ZNF16: variants seen among roughly 807,000 people sequenced by gnomAD.
The protein encoded by ZNF16 is zinc finger protein KOX9.
Under a neutral mutation model 9.0 loss-of-function variants are expected in ZNF16, and 7 were observed. The observed-to-expected ratio is 0.78, with a 90% CI of 0.44 to 1.47. The LOEUF (loss-of-function observed/expected upper bound fraction) is 1.47. ZNF16 is among the 40% of genes most tolerant of loss of function. The pLI is 0.01. For missense variants in ZNF16, 830 were observed against 854.2 expected (o/e 0.97, Z 0.35); for synonymous variants, 312 against 301.5 (o/e 1.03, Z -0.36).
Position 144,931,980 on chromosome 8 carries a change from T to G in ZNF16, c.807A>C (p.Glu269Asp). ...HMSEKAYQCS[E>D]CGKAFRGHSD... ...AGTGCCCTCGGAAGGCTTTCCCACA[T>G]TCGCTGCACTGGTAAGCTTTCTCAC... The change falls in exon 3 of 3, where the codon GAA (glutamate) becomes GAC (aspartate). Residue 269 changes from glutamate to aspartate, a missense_variant. Physicochemically the swap from Glu to Asp is conservative, Grantham distance 45. Coordinates refer to ENST00000394909, the MANE Select transcript of ZNF16 (RefSeq NM_006958.3). 1 of 1,613,914 alleles carries G rather than the reference T, an allele frequency of 6.2e-7. No individual in the cohort carries two copies. The highest frequency in any genetic ancestry group is 8.5e-7 in the Non-Finnish European group (1 of 1,179,860).
intron 1 of ZNF16, among the ~76,000 whole-genome samples, chr8:144,950,104 T>C (rs975715944): frequency 6.6e-5 from 10 of 152,082 alleles, no homozygotes; most frequent in East Asian, 1.9e-4. Context: ...GATGTTTGGG[T>C]GGAGAGAAAC....
chr8:144,936,921 C>T (rs1036168083), intron 2 of ZNF16, among the ~76,000 whole-genome samples: 3 of 152,034 alleles, frequency 2.0e-5, no homozygotes, highest in Non-Finnish European at 4.4e-5. Flanking sequence ...TCTTAAACTC[C>T]TGACCTCAAG....
chr8:144,930,737 C>A lies in ZNF16; in HGVS notation c.*1G>T. On this transcript the variant is annotated 3_prime_UTR_variant, in exon 3 of 3. Transcript: ENST00000394909. The stretch of plus-strand genomic sequence containing the variant: ...GGTTTCACTCCTGCCAGCCCAACAG[C>A]CTATTCCCTGGTGTGAATCAACTGG... 6.6e-7 allele frequency: 1 copy of A among 1,522,672 alleles called. No homozygotes were observed. Among genetic ancestry groups the A allele is most frequent in the Non-Finnish European group, 8.8e-7 (1 of 1,137,534 alleles). 94.3% of individuals were successfully genotyped at this position (1,522,672 alleles called of 1,614,324 possible). A position where few individuals can be genotyped will look rare whatever the true frequency, so the allele number is the denominator to read the frequency against.
At chr8:144,949,703 G>T (rs1834046003) in intron 1 of ZNF16, among the ~76,000 whole-genome samples, 1 of 152,174 alleles carries the variant, frequency 6.6e-6, no homozygotes, top group Non-Finnish European at 1.5e-5. Flanking sequence ...CTTGGTAAAA[G>T]TCATCGCCAT....
In ZNF16 at chr8:144,930,915, C is replaced by G; in HGVS notation, c.1872G>C (p.Thr624=). 1 of 1,611,718 alleles carries G rather than the reference C, an allele frequency of 6.2e-7. No individual in the cohort carries two copies. Among genetic ancestry groups the G allele is most frequent in the Non-Finnish European group, 8.5e-7 (1 of 1,178,746 alleles). Residue 624 remains threonine (T), a synonymous_variant, in exon 3 of 3, where the codon ACG becomes ACC. Transcript: ENST00000394909. ...SHLIQHQIIH[T]GERPYKCSEC... The stretch of plus-strand genomic sequence containing the variant: ...CACTGCATTTGTAGGGGCGCTCGCC[C>G]GTGTGGATTATCTGATGCTGAATGA...
chr8:144,938,866 G>A (rs1158062640), intron 2 of ZNF16, among the ~76,000 whole-genome samples: 1 of 151,960 alleles, frequency 6.6e-6, no homozygotes, highest in Non-Finnish European at 1.5e-5. Flanking sequence ...TCAGCTTGAG[G>A]GTTTTCACAA....
chr8:144,930,843 C>A lies in ZNF16; in HGVS notation c.1944G>T (p.Gln648His), dbSNP rs1296203483. 1 of 1,598,664 alleles carries A rather than the reference C, an allele frequency of 6.3e-7. No individual in the cohort carries two copies. Among genetic ancestry groups the A allele is most frequent in the Admixed American group, 1.7e-5 (1 of 58,632 alleles). The change falls in exon 3 of 3, where the codon CAG (glutamine) becomes CAT (histidine). Residue 648 changes from glutamine to histidine, a missense_variant. By Grantham distance (24) the Gln-to-His change is conservative (BLOSUM62 0). Transcript: ENST00000394909. Reference sequence around the variant, plus strand: ...AGGGCTTCACCCCAGTGTGAATCCTCTGGTGCTGGATGAGGACCGAACGCT... The same window carrying A: ...AGGGCTTCACCCCAGTGTGAATCCTATGGTGCTGGATGAGGACCGAACGCT... Reference protein sequence around the residue: ...FSQRSVLIQHQRIHTGVKPYD... With the variant: ...FSQRSVLIQHHRIHTGVKPYD...
In ZNF16 at chr8:144,930,670, T is replaced by C; in HGVS notation, c.*68A>G. 2 of 1,497,264 alleles carry C rather than the reference T, an allele frequency of 1.3e-6. No individual in the cohort carries two copies. The highest frequency in any genetic ancestry group is 1.8e-6 in the Non-Finnish European group (2 of 1,122,228). The allele number at this position is 1,497,264 out of a possible 1,614,324, so 92.7% of individuals were successfully genotyped here. ...TTTCGGTCTGGGAAGTGGCAGAGGC[T>C]GAGACAATGGCCAAAGAGGAGTTGG... On this transcript the variant is annotated 3_prime_UTR_variant, in exon 3 of 3. Transcript: ENST00000394909.
chr8:144,941,187 A>G (rs1009920676), intron 2 of ZNF16, among the ~76,000 whole-genome samples: 4 of 152,176 alleles, frequency 2.6e-5, no homozygotes, highest in Admixed American at 6.5e-5. Flanking sequence ...CTCTATTACT[A>G]TAGAGCTATT....
chr8:144,949,893 G>A (rs1334629652), intron 1 of ZNF16, among the ~76,000 whole-genome samples: 1 of 152,164 alleles, frequency 6.6e-6, no homozygotes, highest in Non-Finnish European at 1.5e-5. Flanking sequence ...CTGTGTTGAG[G>A]TGGATTGGTA....
In ZNF16 at chr8:144,942,093, T is replaced by G. The variant is rs1833814239; in HGVS notation, c.196+3918A>C. Among the ~76,000 whole-genome samples the G allele has an allele frequency of 8.7e-5, 13 of 149,160 alleles. No homozygotes were observed. The Admixed American group carries it at 8.7e-4, about 10-fold the overall frequency. On this transcript the variant is annotated intron_variant, in intron 2 of 2. Transcript: ENST00000394909. Reference sequence around the variant, plus strand: ...CCCGGGTTCACGCCATTCTCCTGCCTCAGCCTCCCAAGTAGCTGGGACTAC... The same window carrying G: ...CCCGGGTTCACGCCATTCTCCTGCCGCAGCCTCCCAAGTAGCTGGGACTAC...
chr8:144,942,949 T>C (rs1441433710), intron 2 of ZNF16, among the ~76,000 whole-genome samples: 1 of 152,238 alleles, frequency 6.6e-6, no homozygotes, highest in Non-Finnish European at 1.5e-5. Flanking sequence ...GTCTTTATTT[T>C]TGTATGGCTT....
chr8:144,931,044 G>T lies in ZNF16; in HGVS notation c.1743C>A (p.Ala581=). 6.2e-7 allele frequency: 1 copy of T among 1,614,236 alleles called. No individual in the cohort carries two copies. Among genetic ancestry groups the T allele is most frequent in the Non-Finnish European group, 8.5e-7 (1 of 1,180,044 alleles). The change falls in exon 3 of 3, where the codon GCC becomes GCA. Residue 581 remains alanine, a synonymous_variant. Coordinates refer to ENST00000394909, the MANE Select transcript of ZNF16 (RefSeq NM_006958.3). ...KPHECNQCGK[A]FNRSSNLIHH... Reference sequence around the variant, plus strand: ...GAATGAGATTTGAGCTTCGGTTGAAGGCTTTACCACACTGGTTACATTCAT... The same window carrying T: ...GAATGAGATTTGAGCTTCGGTTGAATGCTTTACCACACTGGTTACATTCAT...
intron 1 of ZNF16, chr8:144,948,349 C>T (rs1336716394): frequency 6.6e-6 from 1 of 152,198 alleles, no homozygotes; most frequent in Non-Finnish European, 1.5e-5. Flanking sequence ...AAAGCAGGTA[C>T]AGCACTAAGG....
Position 144,931,708 on chromosome 8 carries a change from C to A in ZNF16, c.1079G>T (p.Arg360Leu), listed in dbSNP as rs574323355. Residue 360 changes from arginine (R) to leucine (L), a missense_variant, in exon 3 of 3, where the codon CGA becomes CTA. Physicochemically the swap from Arg to Leu is moderately radical, Grantham distance 102. Transcript: ENST00000394909. ...GTGGTGTTTGATGAGGTTTGAGCTT[C>A]GCCTGAAGGCCTTCCCACACTCACT... ...VCSECGKAFRRSSNLIKHHRT... is the reference protein window; with the variant it reads ...VCSECGKAFRLSSNLIKHHRT... The A allele has an allele frequency of 3.0e-5, 48 of 1,612,978 alleles. 3 individuals carry two copies. The South Asian group carries it at 5.3e-4, about 18-fold the overall frequency.
intron 1 of ZNF16, among the ~76,000 whole-genome samples, chr8:144,950,173 C>CTT (rs1834070208): frequency 6.6e-6 from 1 of 151,658 alleles, no homozygotes; most frequent in Admixed American, 6.6e-5. Flanking sequence ...AATTATGGCA[C>CTT]AGATTCTTTT....
In ZNF16 at chr8:144,946,037, G is replaced by C. The variant is rs1202400976; in HGVS notation, c.170C>G (p.Ala57Gly). Reference sequence around the variant, plus strand: ...TGGCTGCTGATAGTGAGGGCAGATGGCTTCCAGCTCAGTATCACTACAGCA... The same window carrying C: ...TGGCTGCTGATAGTGAGGGCAGATGCCTTCCAGCTCAGTATCACTACAGCA... ...TPCCSDTELE[A>G]ICPHYQQPDC... Residue 57 changes from alanine to glycine, a missense_variant, in exon 2 of 3, where the codon GCC becomes GGC. Transcript: ENST00000394909. The C allele has an allele frequency of 5.0e-6, 8 of 1,613,666 alleles. No homozygotes were observed. The East Asian group carries it at 1.8e-4, about 36-fold the overall frequency.
chr8:144,935,514 T>C (rs971182963), intron 2 of ZNF16, among the ~76,000 whole-genome samples: 1 of 152,128 alleles, frequency 6.6e-6, no homozygotes, highest in Admixed American at 6.5e-5. Context: ...CCAAAGAACA[T>C]CTTTTTAAAA....
At chr8:144,947,542 A>G (rs1833994392) in intron 1 of ZNF16, among the ~76,000 whole-genome samples, 1 of 152,156 alleles carries the variant, frequency 6.6e-6, no homozygotes, top group Admixed American at 6.5e-5. Context: ...GCAGCCCCAC[A>G]TGTCATCATT....
Sources: allele counts gnomAD v4.1 joint callset (sites outside exome capture counted in the v4.1 genomes callset), GRCh38; gene constraint gnomAD v4.1.1; transcripts MANE v1.5; gene names NCBI Gene and HGNC (gene_info 2026-07-23, HGNC 2026-07-21).